MYOF: variants seen among roughly 807,000 people sequenced by gnomAD.
MYOF encodes fer-1-like 3, myoferlin.
Under a neutral mutation model 284.2 loss-of-function variants are expected in MYOF, and 244 were observed. The observed-to-expected ratio is 0.86, with a 90% CI of 0.77 to 0.95. The LOEUF (loss-of-function observed/expected upper bound fraction) is 0.95. Among genes scored for constraint, MYOF ranks in the 40% least tolerant of loss-of-function variants. The pLI is 0.00. For missense variants in MYOF, 2,496 were observed against 2,560.6 expected, an observed-to-expected ratio of 0.97 and a Z score of 0.54; for synonymous variants, 904 against 919.7, an observed-to-expected ratio of 0.98 and a Z score of 0.31.
intron 2 of MYOF, among the ~76,000 whole-genome samples, chr10:93,452,699 T>C (rs2056628650): frequency 6.6e-6 from 1 of 151,934 alleles, no homozygotes; most frequent in Admixed American, 6.6e-5. Flanking sequence ...GAACTTAAAG[T>C]ATAATAATAA....
Position 93,379,923 on chromosome 10 carries a change from C to A in MYOF, c.1941G>T (p.Trp647Cys), listed in dbSNP as rs766070778. 6.2e-7 allele frequency: 1 copy of A among 1,614,070 alleles called. No homozygotes were observed. Among genetic ancestry groups the A allele is most frequent in the East Asian group, 2.2e-5 (1 of 44,882 alleles). The change falls in exon 21 of 54, where the codon TGG (tryptophan) becomes TGT (cysteine). Residue 647 changes from tryptophan to cysteine, a missense_variant. Around this residue, in one of 3 missense-constraint regions of MYOF, gnomAD observed 2,436 missense variants for 2,480.7 expected, o/e 0.98. Transcript: ENST00000359263. ...CATCCAGGCGATGACTAATATCCTC[C>A]CAGTATGAAGTCAGGGTAACAACTG... ...TKPVVTLTSY[W>C]EDISHRLDAV...
Position 93,389,076 on chromosome 10 carries a change from T to C in MYOF, c.1535A>G (p.Glu512Gly), listed in dbSNP as rs557483069. The change falls in exon 18 of 54, where the codon GAG becomes GGG. Residue 512 changes from glutamate to glycine, a missense_variant. Glu to Gly is a moderately conservative substitution (Grantham distance 98). Transcript: ENST00000359263. ...CYLNLYGSPR[E>G]YTGFPDPYDE... ...ATAGGGGTCTGGGAATCCCGTGTAC[T>C]CTCTGGGGCTTCCATAAAGATTCAG... is the stretch of plus-strand genomic sequence containing the variant. 14 of 1,614,140 alleles carry C rather than the reference T, an allele frequency of 8.7e-6. No individual in the cohort carries two copies. The East Asian group carries it at 2.5e-4, about 28-fold the overall frequency.
In MYOF at chr10:93,354,151, G is replaced by T. The variant is rs556897979; in HGVS notation, c.3404-263C>A. ...GAACTTTGGGAGTCCTAGGCAGGCA[G>T]ACTGTTTGAGGCCAGGAGTTAGGAG... On this transcript the variant is annotated intron_variant, in intron 31 of 53. Transcript: ENST00000359263. Among the ~76,000 whole-genome samples the T allele has an allele frequency of 4.6e-5, 7 of 152,294 alleles. No homozygotes were observed. The South Asian group carries it at 1.5e-3, about 32-fold the overall frequency.
intron 5 of MYOF, 152 bp from the exon 6 acceptor site, chr10:93,409,891 G>T: frequency 2.1e-6 from 2 of 934,310 alleles, no homozygotes; most frequent in East Asian, 4.9e-5. Context: ...ACACTGACTT[G>T]GGACTTCTTG....
chr10:93,309,881 TC>T (rs1315560720), intron 53 of MYOF, 138 bp downstream of exon 53: 1 of 1,023,506 alleles, frequency 9.8e-7, no homozygotes, highest in Non-Finnish European at 1.4e-6. Context: ...ACTTTAAATT[TC>T]CCCAAAGCAG....
At chr10:93,381,089 T>C in intron 20 of MYOF, 130 bp downstream of exon 20, 2 of 1,040,906 alleles carry the variant, frequency 1.9e-6, no homozygotes, top group Non-Finnish European at 2.8e-6. Context: ...CTCTTCCTCA[T>C]TCAACCTTTT....
intron 2 of MYOF, among the ~76,000 whole-genome samples, 169 bp downstream of exon 2, chr10:93,456,713 T>C (rs1268769824): frequency 6.6e-6 from 1 of 152,114 alleles, no homozygotes; most frequent in Non-Finnish European, 1.5e-5. Context: ...GGTGAGCTAC[T>C]CTCCTTGAAC....
At chr10:93,379,094 G>A (rs1845995589) in intron 21 of MYOF, among the ~76,000 whole-genome samples, 1 of 151,952 alleles carries the variant, frequency 6.6e-6, no homozygotes, top group South Asian at 2.1e-4. Flanking sequence ...GTTGACCAAT[G>A]TCAACTAGAC....
At chr10:93,456,306 A>G (rs563619083) in intron 2 of MYOF, among the ~76,000 whole-genome samples, 6 of 152,356 alleles carry the variant, frequency 3.9e-5, no homozygotes, top group African/African-American at 1.4e-4. Context: ...TTAGTGATAC[A>G]TCACAGATGT....
At chr10:93,436,000 C>A (rs7919771) in intron 3 of MYOF, among the ~76,000 whole-genome samples, 1 of 150,686 alleles carries the variant, frequency 6.6e-6, no homozygotes, top group Non-Finnish European at 1.5e-5. Context: ...AGAACATGTT[C>A]GTGTTAGACC....
At position 93,313,030 on chromosome 10, in the gene MYOF, C is replaced by T. The variant is rs369620858; in HGVS notation, c.5879G>A (p.Arg1960His). ...WPCYAEKDGA[R>H]VMAGKVEMTL... is the part of the protein sequence containing the mutation. ...AGGAAATGTTCATACAGCCATTACG[C>T]GGGCGCCATCTTTCTCTGCGTAGCA... The change falls in exon 51 of 54, where the codon CGC becomes CAC. Residue 1960 changes from arginine to histidine, a missense_variant. Arg to His is a conservative substitution (Grantham distance 29). Transcript: ENST00000359263. 186 of 1,608,930 alleles carry T rather than the reference C, an allele frequency of 1.2e-4. 3 individuals are homozygous for T. In the Middle Eastern group the frequency reaches 4.7e-3, roughly 40 times the overall value.
At chr10:93,411,463 T>A in intron 5 of MYOF, among the ~76,000 whole-genome samples, 1 of 152,162 alleles carries the variant, frequency 6.6e-6, no homozygotes, top group East Asian at 1.9e-4. Context: ...CTGCCTAATA[T>A]CATCACGTTC....
At chr10:93,452,547 G>A (rs962563508) in intron 2 of MYOF, among the ~76,000 whole-genome samples, 37 of 124,554 alleles carry the variant, frequency 3.0e-4, no homozygotes, top group African/African-American at 1.1e-3. Flanking sequence ...ACACACTGGG[G>A]CCCGTTGTGG....
At chr10:93,463,936 G>T (rs1180190090) in intron 1 of MYOF, among the ~76,000 whole-genome samples, 1 of 151,764 alleles carries the variant, frequency 6.6e-6, no homozygotes, top group African/African-American at 2.4e-5. Flanking sequence ...CATCTGTGCC[G>T]GTGGTCAGCT....
At chr10:93,351,644 T>G (rs1055838415) in intron 33 of MYOF, 21 bp downstream of exon 33, 1 of 1,592,410 alleles carries the variant, frequency 6.3e-7, no homozygotes, top group Non-Finnish European at 8.5e-7. Context: ...CAAGTTATCT[T>G]AGAAATTCTA....
At chr10:93,390,187 GT>G (rs1043824307) in intron 17 of MYOF, among the ~76,000 whole-genome samples, 1 of 152,110 alleles carries the variant, frequency 6.6e-6, no homozygotes, top group African/African-American at 2.4e-5. Flanking sequence ...GTGGAGCAGC[GT>G]CATCAGAATG....
intron 46 of MYOF, chr10:93,323,824 C>T (rs1301741341): frequency 6.3e-6 from 1 of 157,790 alleles, no homozygotes; most frequent in East Asian, 1.9e-4. Flanking sequence ...TGACACCAAT[C>T]CCCATTTTGC....
Position 93,409,749 on chromosome 10 carries a change from C to T in MYOF, c.434-10G>A, listed in dbSNP as rs1847819194. Reference sequence around the variant, plus strand: ...TCTTCTTCCCCATCTCCTAAAATATCAGAAAGAAACCCAGTGAGGGATAGC... The same window carrying T: ...TCTTCTTCCCCATCTCCTAAAATATTAGAAAGAAACCCAGTGAGGGATAGC... On this transcript the variant is annotated splice_polypyrimidine_tract_variant and intron_variant, in intron 5 of 53. Transcript: ENST00000359263. The T allele has an allele frequency of 4.3e-6, 7 of 1,613,868 alleles. No individual in the cohort carries two copies. The highest frequency in any genetic ancestry group is 5.9e-6 in the Non-Finnish European group (7 of 1,180,018).
At chr10:93,402,789 T>G (rs539305991) in intron 10 of MYOF, 71 bp downstream of exon 10, 353 of 1,414,162 alleles carry the variant, frequency 2.5e-4, no homozygotes, top group Non-Finnish European at 3.4e-4. Context: ...TTGTCTTGAT[T>G]CTTAGAATCA....
Sources: gnomAD v4.1 joint callset for allele counts (sites outside exome capture counted in the v4.1 genomes callset) on GRCh38, gnomAD v4.1.1 for gene constraint, gnomAD v4.1.1 regional missense constraint, MANE v1.5 for transcripts, NCBI Gene and HGNC (gene_info 2026-07-23, HGNC 2026-07-21) for gene names.